ARNT2: variants seen among roughly 807,000 people sequenced by gnomAD.
ARNT2 encodes ARNT protein 2.
Under a neutral mutation model 91.7 loss-of-function variants are expected in ARNT2, and 36 were observed. The observed-to-expected ratio is 0.39, with a 90% CI of 0.30 to 0.52. ARNT2 has a LOEUF of 0.52. Among genes scored for constraint, ARNT2 ranks in the 20% least tolerant of loss-of-function variants. The pLI is 0.72. For synonymous variants in ARNT2, 365 were observed against 347.1 expected (o/e 1.05, Z -0.57); for missense variants, 775 against 939.3 (o/e 0.83, Z 2.29).
intron 17 of ARNT2, among the ~76,000 whole-genome samples, chr15:80,584,734 G>A (rs1425774843): frequency 3.3e-5 from 5 of 152,252 alleles, no homozygotes; most frequent in African/African-American, 9.6e-5. Context: ...GCCTATTGGT[G>A]TGGCACTGAT....
chr15:80,469,705 C>T lies in ARNT2; in HGVS notation c.195-513C>T, dbSNP rs140899753. On this transcript the variant is annotated intron_variant, in intron 3 of 18. Coordinates refer to ENST00000303329, the MANE Select transcript of ARNT2 (RefSeq NM_014862.4). ...TCTCAGCTTACTGCAATCTCCATCTCCCAGGTTCAAGCAATTCTTGTGCTT... is the reference window on the plus strand; with the variant it reads ...TCTCAGCTTACTGCAATCTCCATCTTCCAGGTTCAAGCAATTCTTGTGCTT... 2.1e-3 allele frequency among the ~76,000 whole-genome samples: 325 copies of T among 152,244 alleles called. 5 individuals are homozygous for T. The East Asian group carries it at 0.025, about 12-fold the overall frequency.
At chr15:80,426,396 G>C (rs1020397) in intron 1 of ARNT2, among the ~76,000 whole-genome samples, 60,830 of 152,006 alleles carry the variant, frequency 0.4, 12,583 homozygotes, top group East Asian at 0.62. Flanking sequence ...GAGCACAGCT[G>C]GGGGAGTAGA....
intron 1 of ARNT2, among the ~76,000 whole-genome samples, chr15:80,405,078 C>A (rs1895579710): frequency 6.6e-6 from 1 of 152,192 alleles, no homozygotes; most frequent in Non-Finnish European, 1.5e-5. Flanking sequence ...CCTAACCCTC[C>A]GGGGGCACAA....
At chr15:80,588,480 G>C (rs1893217262) in intron 17 of ARNT2, among the ~76,000 whole-genome samples, 1 of 151,824 alleles carries the variant, frequency 6.6e-6, no homozygotes, top group African/African-American at 2.4e-5. Flanking sequence ...TCCTGCTTCT[G>C]CTTAAAAACC....
chr15:80,536,064 C>G (rs1566995761), intron 8 of ARNT2, among the ~76,000 whole-genome samples: 1 of 152,210 alleles, frequency 6.6e-6, no homozygotes, highest in Non-Finnish European at 1.5e-5. Flanking sequence ...CCAAACAGCA[C>G]AACTTGCTGG....
At chr15:80,461,775 C>A (rs1042888236) in intron 3 of ARNT2, among the ~76,000 whole-genome samples, 1 of 152,020 alleles carries the variant, frequency 6.6e-6, no homozygotes, top group Non-Finnish European at 1.5e-5. Context: ...GGCCTTTCTG[C>A]CAAGGAGGCA....
chr15:80,517,073 T>C (rs1595994557), intron 8 of ARNT2, among the ~76,000 whole-genome samples: 1 of 151,974 alleles, frequency 6.6e-6, no homozygotes, highest in East Asian at 1.9e-4. Flanking sequence ...TATCTTTATT[T>C]ATTCCTTCTC....
At chr15:80,407,804 T>C (rs1449541897) in intron 1 of ARNT2, among the ~76,000 whole-genome samples, 1 of 152,216 alleles carries the variant, frequency 6.6e-6, no homozygotes, top group Admixed American at 6.5e-5. Context: ...GAATTAGTTA[T>C]ATACATAAAA....
At chr15:80,516,123 G>A (rs577858587) in intron 8 of ARNT2, among the ~76,000 whole-genome samples, 14 of 152,182 alleles carry the variant, frequency 9.2e-5, no homozygotes, top group African/African-American at 2.6e-4. Context: ...CACCTGCCTC[G>A]GCCTCCCAAA....
chr15:80,448,912 G>A (rs1310131927), intron 1 of ARNT2, among the ~76,000 whole-genome samples: 1 of 152,192 alleles, frequency 6.6e-6, no homozygotes, highest in Non-Finnish European at 1.5e-5. Context: ...GTGAACCCGG[G>A]AGGTGGAGCT....
chr15:80,470,543 A>G (rs1595977060), intron 4 of ARNT2, 112 bp downstream of exon 4: 2 of 1,213,584 alleles, frequency 1.6e-6, no homozygotes, highest in South Asian at 1.5e-5. Context: ...AATGAAGCCA[A>G]CATGTTTTGT....
At chr15:80,446,171 C>T (rs963576819) in intron 1 of ARNT2, among the ~76,000 whole-genome samples, 1 of 152,040 alleles carries the variant, frequency 6.6e-6, no homozygotes, top group Admixed American at 6.6e-5. Flanking sequence ...AAGTAATTTG[C>T]TCAAGGGTTA....
At chr15:80,586,971 T>G (rs1321850487) in intron 17 of ARNT2, among the ~76,000 whole-genome samples, 1 of 151,994 alleles carries the variant, frequency 6.6e-6, no homozygotes, top group African/African-American at 2.4e-5. Flanking sequence ...TGATCTGAAA[T>G]GTTTGCAGAC....
chr15:80,571,027 T>C (rs1022614467), intron 12 of ARNT2, among the ~76,000 whole-genome samples: 1 of 152,186 alleles, frequency 6.6e-6, no homozygotes, highest in African/African-American at 2.4e-5. Flanking sequence ...GGCGTTCAGA[T>C]CATACATATT....
intron 8 of ARNT2, among the ~76,000 whole-genome samples, chr15:80,537,388 C>T (rs1045745760): frequency 1.3e-5 from 2 of 152,202 alleles, no homozygotes; most frequent in South Asian, 4.1e-4. Context: ...TGCAGTACCT[C>T]ACCAGAAGGT....
rs1596010855 is a variant in ARNT2, at chr15:80,555,423, A to G, written c.1164+284A>G. ...TTAACTGCATGGGGAAGAGGCAGGAATTGTTCCAGGGGAGAGAATAACTGG... is the reference window on the plus strand; with the variant it reads ...TTAACTGCATGGGGAAGAGGCAGGAGTTGTTCCAGGGGAGAGAATAACTGG... On this transcript the variant is annotated intron_variant, in intron 11 of 18. Coordinates refer to ENST00000303329, the MANE Select transcript of ARNT2 (RefSeq NM_014862.4). The G allele has an allele frequency of 1.0e-5, 4 of 392,076 alleles. No homozygotes were observed. The South Asian group carries it at 1.6e-4, about 16-fold the overall frequency. The allele number at this position is 392,076 out of a possible 1,614,324, so 24.3% of individuals were successfully genotyped here.
At chr15:80,529,748 T>C (rs1377316363) in intron 8 of ARNT2, among the ~76,000 whole-genome samples, 1 of 152,222 alleles carries the variant, frequency 6.6e-6, no homozygotes, top group Non-Finnish European at 1.5e-5. Context: ...TCTGTATTGA[T>C]TTCTCAAATC....
chr15:80,517,375 T>C (rs1220362266), intron 8 of ARNT2, among the ~76,000 whole-genome samples: 2 of 152,102 alleles, frequency 1.3e-5, no homozygotes, highest in Admixed American at 6.5e-5. Flanking sequence ...CTTTTAAGAG[T>C]GTCTCTTTAT....
chr15:80,455,834 C>A (rs1896473804), intron 2 of ARNT2, among the ~76,000 whole-genome samples: 1 of 152,166 alleles, frequency 6.6e-6, no homozygotes, highest in Non-Finnish European at 1.5e-5. Flanking sequence ...TGTCTCACAC[C>A]CACTTGTGGT....
Sources: gnomAD v4.1 joint callset for allele counts (sites outside exome capture counted in the v4.1 genomes callset) on GRCh38, gnomAD v4.1.1 for gene constraint, MANE v1.5 for transcripts, NCBI Gene and HGNC (gene_info 2026-07-23, HGNC 2026-07-21) for gene names.